The following PSD3 variants were observed in gnomAD, a reference collection of about 807,000 sequenced individuals.
PSD3 encodes PH and SEC7 domain-containing protein 3.
Under a neutral mutation model 105.5 loss-of-function variants are expected in PSD3, and 49 were observed. That is an observed-to-expected ratio of 0.46 (90% CI 0.37 to 0.59). The LOEUF (loss-of-function observed/expected upper bound fraction) is 0.59, where lower values mean the gene tolerates loss of function less well. Ranked by LOEUF, PSD3 falls within the 20% of genes least tolerant of loss-of-function variation. The pLI is 0.00. For synonymous variants in PSD3, 557 were observed against 457.8 expected (o/e 1.22, Z -2.77); for missense variants, 1,561 against 1,263.8 (o/e 1.24, Z -3.57).
intron 9 of PSD3, among the ~76,000 whole-genome samples, chr8:18,663,734 T>C (rs1259199574): frequency 1.3e-5 from 2 of 152,216 alleles, no homozygotes; most frequent in Non-Finnish European, 1.5e-5. Context: ...AAGTTCTTTG[T>C]AGAGTAAAGG....
intron 2 of PSD3, among the ~76,000 whole-genome samples, chr8:18,917,237 T>C (rs914188480): frequency 5.3e-5 from 8 of 152,232 alleles, no homozygotes; most frequent in African/African-American, 1.9e-4. Context: ...GTCCCTCGCA[T>C]TCCTGCACTA....
intron 4 of PSD3, chr8:18,854,035 CAATTAT>C (rs904343799): frequency 8.1e-6 from 1 of 123,036 alleles, no homozygotes; most frequent in African/African-American, 3.2e-5. Context: ...TCTACAATTA[CAATTAT>C]ACATAATCCA....
intron 1 of PSD3, among the ~76,000 whole-genome samples, chr8:19,010,735 G>A (rs1826913692): frequency 6.6e-6 from 1 of 152,058 alleles, no homozygotes; most frequent in African/African-American, 2.4e-5. Flanking sequence ...CAAGATATGG[G>A]CACTCCGAAC....
intron 4 of PSD3, among the ~76,000 whole-genome samples, chr8:18,861,684 T>C (rs1327467335): frequency 6.6e-6 from 1 of 152,198 alleles, no homozygotes; most frequent in Non-Finnish European, 1.5e-5. Flanking sequence ...TGCATCTTTC[T>C]TTTTACCAGG....
rs1317837505 is a variant in PSD3, at chr8:18,572,636, G to A, written c.2676C>T (p.Ile892=). Residue 892 remains isoleucine (I), a synonymous_variant, in exon 14 of 16, where the codon ATC becomes ATT. Transcript: ENST00000327040. The stretch of plus-strand genomic sequence containing the variant: ...CAGAAAATACAGCTGCCACACAATT[G>A]ATTTTGTTTATCCACCCTTGCATTT... ...PEEMQGWINK[I]NCVAAVFSAP... is the part of the protein sequence containing the mutation. The A allele has an allele frequency of 1.9e-6, 3 of 1,614,012 alleles. No homozygotes were observed. The Admixed American group carries it at 5.0e-5, about 27-fold the overall frequency.
rs138840245 is a variant in PSD3 at position 19,050,215 on chromosome 8, G to A, written c.324+33991C>T. The stretch of plus-strand genomic sequence containing the variant: ...ATTAAAATGACTCTGTCATTTCTGG[G>A]CCTTGGAAGTGTGCCAGAATGTCCT... On this transcript the variant is annotated intron_variant, in intron 1 of 1. Transcript: ENST00000521475. Among the ~76,000 whole-genome samples the A allele has an allele frequency of 7.3e-3, 1,112 of 152,222 alleles. 13 individuals are homozygous for A. The highest frequency in any genetic ancestry group is 0.025 in the African/African-American group (1,040 of 41,538).
intron 1 of PSD3, among the ~76,000 whole-genome samples, chr8:19,068,340 A>G (rs1192232120): frequency 2.0e-5 from 3 of 148,906 alleles, no homozygotes; most frequent in African/African-American, 7.5e-5. Context: ...CCCAGGCTGG[A>G]GTGCCATGGC....
intron 4 of PSD3, among the ~76,000 whole-genome samples, chr8:18,865,453 T>G (rs1456756567): frequency 6.6e-6 from 1 of 151,714 alleles, no homozygotes; most frequent in South Asian, 2.1e-4. Context: ...TTTTTCAGTT[T>G]CCTTAAAATT....
chr8:19,072,974 G>A (rs1380584101), intron 1 of PSD3, among the ~76,000 whole-genome samples: 2 of 152,150 alleles, frequency 1.3e-5, no homozygotes, highest in African/African-American at 2.4e-5. Context: ...GAGACTATCC[G>A]AGACTGAATT....
intron 4 of PSD3, among the ~76,000 whole-genome samples, chr8:18,856,414 C>T (rs1170192606): frequency 6.6e-6 from 1 of 152,162 alleles, no homozygotes; most frequent in African/African-American, 2.4e-5. Context: ...CTCTGAGTCC[C>T]AAAACGTAGA....
At chr8:18,855,042 A>G (rs1047928582) in intron 4 of PSD3, among the ~76,000 whole-genome samples, 89 of 152,108 alleles carry the variant, frequency 5.9e-4, no homozygotes, top group African/African-American at 2.1e-3. Context: ...GACCTAACCA[A>G]TGGATGCCAG....
chr8:18,598,802 C>T (rs77296913), intron 12 of PSD3, among the ~76,000 whole-genome samples: 1 of 151,814 alleles, frequency 6.6e-6, no homozygotes, highest in African/African-American at 2.4e-5. Context: ...GCATCAAAAA[C>T]TATTAAAAAA....
intron 11 of PSD3, among the ~76,000 whole-genome samples, 172 bp downstream of exon 11, chr8:18,632,441 G>A (rs982752696): frequency 6.6e-6 from 1 of 152,030 alleles, no homozygotes; most frequent in African/African-American, 2.4e-5. Flanking sequence ...TTAGAGAAGA[G>A]CAGGTGCCAC....
At chr8:18,755,338 G>T (rs187324888) in intron 9 of PSD3, among the ~76,000 whole-genome samples, 100 of 152,200 alleles carry the variant, frequency 6.6e-4, no homozygotes, top group African/African-American at 2.2e-3. Flanking sequence ...GCTGAAGCAG[G>T]AGAATCGCCT....
At chr8:18,907,986 C>T (rs191252952) in intron 2 of PSD3, among the ~76,000 whole-genome samples, 1 of 152,108 alleles carries the variant, frequency 6.6e-6, no homozygotes, top group South Asian at 2.1e-4. Flanking sequence ...AAGTATGCAA[C>T]GTGAAATGGT....
chr8:18,865,224 TTATATATATATATATATATATATA>T (rs1165818221), intron 4 of PSD3: 4 of 64,562 alleles, frequency 6.2e-5, no homozygotes, highest in Admixed American at 5.6e-4. Context: ...AGATTCTATG[TTATATATATATATATATATATATA>T]TATATATATA....
At chr8:19,008,301 C>A (rs931357558) in intron 1 of PSD3, among the ~76,000 whole-genome samples, 1 of 152,206 alleles carries the variant, frequency 6.6e-6, no homozygotes, top group Non-Finnish European at 1.5e-5. Context: ...AATATCTTGC[C>A]TCTTCAAACA....
intron 1 of PSD3, among the ~76,000 whole-genome samples, chr8:19,072,118 T>TC (rs1829287104): frequency 7.1e-6 from 1 of 140,850 alleles, no homozygotes; most frequent in Non-Finnish European, 1.6e-5. Context: ...TTTTTTTTTT[T>TC]TGTGACGGAG....
intron 8 of PSD3, among the ~76,000 whole-genome samples, chr8:18,770,474 T>C (rs79966403): frequency 0.025 from 3,741 of 152,298 alleles, 163 homozygotes; most frequent in East Asian, 0.14. Context: ...AAGCAGGATA[T>C]TTCCCTGACC....
Sources: allele counts gnomAD v4.1 joint callset (sites outside exome capture counted in the v4.1 genomes callset), GRCh38; gene constraint gnomAD v4.1.1; transcripts MANE v1.5; gene names NCBI Gene and HGNC (gene_info 2026-07-23, HGNC 2026-07-21).